Variants in WDPCP observed in about 807,000 individuals in gnomAD.
The protein encoded by WDPCP is WD repeat-containing and planar cell polarity effector protein fritz homolog.
A neutral mutation model predicts 93.1 loss-of-function variants in WDPCP; 71 were observed. The observed-to-expected ratio is 0.76, with a 90% CI of 0.63 to 0.93. The LOEUF (loss-of-function observed/expected upper bound fraction) is 0.93. Ranked by LOEUF, WDPCP falls within the 40% of genes least tolerant of loss-of-function variation. The pLI, the probability that WDPCP is intolerant of heterozygous loss-of-function variation, is 0.00. For missense variants in WDPCP, 844 were observed against 887.4 expected, an observed-to-expected ratio of 0.95 and a Z score of 0.62; for synonymous variants, 315 against 315.0, an observed-to-expected ratio of 1.00 and a Z score of 0.00.
At chr2:63,577,026 T>A (rs1357503929) in intron 1 of WDPCP, among the ~76,000 whole-genome samples, 1 of 152,156 alleles carries the variant, frequency 6.6e-6, no homozygotes, top group African/African-American at 2.4e-5. Context: ...TAATTTCAAA[T>A]AACAGTAATA....
At chr2:63,528,350 C>A (rs950369800) in intron 1 of WDPCP, among the ~76,000 whole-genome samples, 2 of 152,218 alleles carry the variant, frequency 1.3e-5, no homozygotes, top group Non-Finnish European at 2.9e-5. Flanking sequence ...ATGGTTTTAG[C>A]TCTAACATTT....
chr2:63,225,949 A>G (rs1185508618), intron 14 of WDPCP, among the ~76,000 whole-genome samples: 1 of 151,898 alleles, frequency 6.6e-6, no homozygotes, highest in Non-Finnish European at 1.5e-5. Flanking sequence ...ATTTAGTTTC[A>G]TGGTCTGGAT....
At chr2:63,473,780 T>C (rs562457277) in intron 6 of WDPCP, among the ~76,000 whole-genome samples, 1 of 152,350 alleles carries the variant, frequency 6.6e-6, no homozygotes, top group East Asian at 1.9e-4. Flanking sequence ...ATAATATAGC[T>C]TTAATTACCC....
At chr2:63,391,576 T>C (rs1315601463) in intron 10 of WDPCP, among the ~76,000 whole-genome samples, 1 of 152,072 alleles carries the variant, frequency 6.6e-6, no homozygotes, top group African/African-American at 2.4e-5. Flanking sequence ...GGGTATTCCA[T>C]TAGGAAAAGA....
chr2:63,776,074 TATACATACATACATACATACATAC>T (rs59262674), intron 2 of WDPCP, among the ~76,000 whole-genome samples: 2 of 146,804 alleles, frequency 1.4e-5, no homozygotes, highest in African/African-American at 2.5e-5. Context: ...TAAATACACA[TATACATACATACATACATACATAC>T]ATACATACAT....
intron 10 of WDPCP, chr2:63,403,727 C>T (rs1429485785): frequency 1.3e-5 from 3 of 224,212 alleles, no homozygotes; most frequent in Non-Finnish European, 2.7e-5. Flanking sequence ...AAAGTAAGTC[C>T]TTCTAAAATA....
intron 12 of WDPCP, among the ~76,000 whole-genome samples, chr2:63,327,530 C>T (rs1011070039): frequency 2.6e-5 from 4 of 152,142 alleles, no homozygotes; most frequent in Non-Finnish European, 4.4e-5. Flanking sequence ...CTCTCCAAAA[C>T]CCCCGAGGCC....
intron 6 of WDPCP, among the ~76,000 whole-genome samples, chr2:63,460,015 A>G (rs1698899573): frequency 6.6e-6 from 1 of 152,230 alleles, no homozygotes; most frequent in Admixed American, 6.5e-5. Flanking sequence ...TATTTATATC[A>G]AAAGGATATC....
At chr2:63,405,561 G>GTGTGTA (rs1694506098) in intron 9 of WDPCP, among the ~76,000 whole-genome samples, 1 of 150,726 alleles carries the variant, frequency 6.6e-6, no homozygotes, top group Non-Finnish European at 1.5e-5. Context: ...GTGTGTGTGT[G>GTGTGTA]TGTGTGTGTG....
At chr2:63,256,684 C>A (rs1681179132) in intron 14 of WDPCP, among the ~76,000 whole-genome samples, 2 of 152,096 alleles carry the variant, frequency 1.3e-5, no homozygotes, top group African/African-American at 4.8e-5. Flanking sequence ...TTGAAACAAC[C>A]CAAATATCCA....
chr2:63,530,068 C>T (rs1703707014), intron 1 of WDPCP, among the ~76,000 whole-genome samples: 1 of 152,044 alleles, frequency 6.6e-6, no homozygotes, highest in Non-Finnish European at 1.5e-5. Flanking sequence ...TTTTTTATTG[C>T]ATCTGTTTGA....
At chr2:63,535,624 TA>T in intron 1 of WDPCP, among the ~76,000 whole-genome samples, 1 of 152,206 alleles carries the variant, frequency 6.6e-6, no homozygotes, top group Non-Finnish European at 1.5e-5. Flanking sequence ...GATTCCCTAT[TA>T]CAATAAATGG....
intron 1 of WDPCP, among the ~76,000 whole-genome samples, chr2:63,542,607 C>G (rs1244094664): frequency 6.6e-6 from 1 of 152,156 alleles, no homozygotes; most frequent in Non-Finnish European, 1.5e-5. Context: ...AACATTTTGT[C>G]TAAAACTGGC....
intron 2 of WDPCP, among the ~76,000 whole-genome samples, chr2:63,687,826 C>T (rs955755409): frequency 3.3e-5 from 5 of 152,170 alleles, no homozygotes; most frequent in Non-Finnish European, 7.4e-5. Flanking sequence ...CCAGCAATCC[C>T]ACTACTCGGT....
chr2:63,423,998 T>C (rs953393701), intron 9 of WDPCP, among the ~76,000 whole-genome samples: 1 of 151,774 alleles, frequency 6.6e-6, no homozygotes, highest in Non-Finnish European at 1.5e-5. Context: ...AAGCTGAAGA[T>C]GGAAGAAACT....
chr2:63,717,413 G>T, intron 2 of WDPCP: 1 of 401,310 alleles, frequency 2.5e-6, no homozygotes, highest in Non-Finnish European at 4.8e-6. Context: ...TTAAGGTCAT[G>T]GTATCCCTGA....
chr2:63,303,057 T>C lies in WDPCP; in HGVS notation c.1812+10191A>G, dbSNP rs546106607. Among the ~76,000 whole-genome samples, 5 of 152,310 alleles carry C rather than the reference T, an allele frequency of 3.3e-5. No homozygotes were observed. The South Asian group carries it at 1.0e-3, about 32-fold the overall frequency. On this transcript the variant is annotated intron_variant, in intron 13 of 17. Transcript: ENST00000272321. ...CCAAAGTAGCCACTTCAATAGATGG[T>C]ACCAGAATCCTAAAGGCACATGTAT...
intron 2 of WDPCP, among the ~76,000 whole-genome samples, chr2:63,651,763 T>G (rs577732022): frequency 8.5e-5 from 13 of 152,210 alleles, no homozygotes; most frequent in Admixed American, 4.6e-4. Flanking sequence ...AACATCTACA[T>G]TAATGTTTGA....
chr2:63,235,279 C>T (rs1348583150), intron 14 of WDPCP, among the ~76,000 whole-genome samples: 1 of 151,998 alleles, frequency 6.6e-6, no homozygotes, highest in Non-Finnish European at 1.5e-5. Context: ...ACACAACCAC[C>T]CAAGATTGAG....
Sources: allele counts gnomAD v4.1 joint callset (sites outside exome capture counted in the v4.1 genomes callset), GRCh38; gene constraint gnomAD v4.1.1; transcripts MANE v1.5; gene names NCBI Gene and HGNC (gene_info 2026-07-23, HGNC 2026-07-21).